The following ERI1 variants were observed in gnomAD, a reference collection of about 807,000 sequenced individuals.
ERI1 encodes 3'-5' exoribonuclease 1.
A neutral mutation model predicts 39.7 loss-of-function variants in ERI1; 39 were observed. That is an observed-to-expected ratio of 0.98 (90% CI 0.76 to 1.28). ERI1 has a LOEUF of 1.28. Among genes scored for constraint, ERI1 ranks in the 50% most tolerant of loss-of-function variants. The probability of loss-of-function intolerance (pLI) is 0.00; values close to 1 mark genes in which losing one functional copy is unlikely to be tolerated. For synonymous variants in ERI1, 204 were observed against 149.6 expected (o/e 1.36, Z -2.65); for missense variants, 581 against 416.9 (o/e 1.39, Z -3.43).
rs141984618 is a variant in ERI1, at chr8:9,021,170, G to T, written c.807+706G>T. On this transcript the variant is annotated intron_variant, in intron 6 of 6. Transcript: ENST00000250263. The stretch of plus-strand genomic sequence containing the variant: ...GGAGAGTGTCCACAACTTTCCCCTG[G>T]ATGTAATAATTTACTTCCGCGGTTG... 8.8e-4 allele frequency among the ~76,000 whole-genome samples: 134 copies of T among 152,088 alleles called. 1 individual carries two copies. The highest frequency in any genetic ancestry group is 3.0e-3 in the African/African-American group (124 of 41,492).
At chr8:9,042,155 C>G (rs539368938) in intron 3 of ERI1, among the ~76,000 whole-genome samples, 9 of 152,306 alleles carry the variant, frequency 5.9e-5, no homozygotes, top group African/African-American at 1.7e-4. Flanking sequence ...ATTAGGAATT[C>G]CTCAAGGCCA....
intron 3 of ERI1, among the ~76,000 whole-genome samples, chr8:9,046,145 C>T (rs190708071): frequency 6.6e-6 from 1 of 152,258 alleles, no homozygotes; most frequent in East Asian, 1.9e-4. Flanking sequence ...CTGAGAGGAC[C>T]GCTGCTGGGC....
rs1451945984 is a variant in ERI1, at chr8:9,005,716, T to G, written c.109-2254T>G. ...AGAGACGGGGTTTCACCGTGGTCTCTATCTCCTGACCTCGTTATCCGCCCG... is the reference window on the plus strand; with the variant it reads ...AGAGACGGGGTTTCACCGTGGTCTCGATCTCCTGACCTCGTTATCCGCCCG... On this transcript the variant is annotated intron_variant, in intron 1 of 6. Transcript: ENST00000250263. Among the ~76,000 whole-genome samples the G allele has an allele frequency of 2.6e-5, 4 of 151,414 alleles. No homozygotes were observed. The East Asian group carries it at 5.8e-4, about 22-fold the overall frequency.
At position 9,032,961 on chromosome 8, in the gene ERI1, G is replaced by C. The variant is rs1188315556; in HGVS notation, c.*2927G>C. 6.6e-6 allele frequency: 1 copy of C among 152,216 alleles called. No individual in the cohort carries two copies. Among genetic ancestry groups the C allele is most frequent in the Non-Finnish European group, 1.5e-5 (1 of 68,034 alleles). 9.4% of individuals were successfully genotyped at this position (152,216 alleles called of 1,614,324 possible). A position where few individuals can be genotyped will look rare whatever the true frequency, so the allele number is the denominator to read the frequency against. On this transcript the variant is annotated 3_prime_UTR_variant, in exon 7 of 7. Transcript: ENST00000250263. Reference sequence around the variant, plus strand: ...GAGAAGTATATGCTCCTCGAGACCAGAGACTGTGACTTCTGCATCTTTGAT... The same window carrying C: ...GAGAAGTATATGCTCCTCGAGACCACAGACTGTGACTTCTGCATCTTTGAT...
At chr8:9,019,409 C>T (rs1408816730) in intron 5 of ERI1, among the ~76,000 whole-genome samples, 3 of 152,168 alleles carry the variant, frequency 2.0e-5, no homozygotes, top group Non-Finnish European at 4.4e-5. Flanking sequence ...TTTAGAAATC[C>T]ATTACTGATT....
chr8:9,026,345 C>G (rs149599421), intron 6 of ERI1, among the ~76,000 whole-genome samples: 32 of 152,270 alleles, frequency 2.1e-4, no homozygotes, highest in Non-Finnish European at 4.0e-4. Context: ...ACATCATTCT[C>G]CAGAACTCTC....
chr8:9,084,253 A>G (rs1361307093), intron 3 of ERI1, among the ~76,000 whole-genome samples: 1 of 152,156 alleles, frequency 6.6e-6, no homozygotes, highest in Non-Finnish European at 1.5e-5. Flanking sequence ...AAACAGTGAG[A>G]TTGAGACCCT....
intron 3 of ERI1, among the ~76,000 whole-genome samples, chr8:9,081,004 A>C (rs1799349887): frequency 6.6e-6 from 1 of 152,246 alleles, no homozygotes; most frequent in South Asian, 2.1e-4. Context: ...TAATTGACTC[A>C]CAGTTCCTCA....
intron 3 of ERI1, among the ~76,000 whole-genome samples, chr8:9,044,655 A>G (rs933352285): frequency 4.6e-5 from 7 of 152,264 alleles, no homozygotes; most frequent in African/African-American, 1.7e-4. Flanking sequence ...GCCTTGAAGA[A>G]CAAATCATGA....
chr8:9,032,529 C>A lies in ERI1; in HGVS notation c.*2495C>A, dbSNP rs920868093. 1.3e-5 allele frequency: 2 copies of A among 152,066 alleles called. No homozygotes were observed. Among genetic ancestry groups the A allele is most frequent in the African/African-American group, 4.8e-5 (2 of 41,388 alleles). The allele number at this position is 152,066 out of a possible 1,614,324, so 9.4% of individuals were successfully genotyped here. ...GTGTCTTTGTTGCCTTGAGATAGAT[C>A]CATTTATCCTGCCTCCTAGGGAGAA... is the stretch of plus-strand genomic sequence containing the variant. On this transcript the variant is annotated 3_prime_UTR_variant, in exon 7 of 7. Coordinates refer to ENST00000250263, the MANE Select transcript of ERI1 (RefSeq NM_153332.4).
At chr8:9,043,814 A>G (rs1332030748) in intron 3 of ERI1, among the ~76,000 whole-genome samples, 1 of 152,230 alleles carries the variant, frequency 6.6e-6, no homozygotes, top group Admixed American at 6.5e-5. Context: ...CAGCCTCCTG[A>G]GTAGCTGGGA....
intron 6 of ERI1, 106 bp downstream of exon 6, chr8:9,020,570 C>G: frequency 1.5e-6 from 1 of 688,172 alleles, no homozygotes; most frequent in South Asian, 2.2e-5. Flanking sequence ...TGGAAAAAAG[C>G]CATATAATTA....
At chr8:9,061,389 A>AG (rs1798691016) in intron 3 of ERI1, among the ~76,000 whole-genome samples, 1 of 152,058 alleles carries the variant, frequency 6.6e-6, no homozygotes, top group Non-Finnish European at 1.5e-5. Context: ...CAGCTGAAGG[A>AG]CCCGGGGAGC....
intron 6 of ERI1, among the ~76,000 whole-genome samples, chr8:9,027,419 A>G (rs963002115): frequency 6.6e-6 from 1 of 152,156 alleles, no homozygotes; most frequent in Admixed American, 6.5e-5. Flanking sequence ...TTGCAAATGT[A>G]TCTTCTGTTC....
intron 3 of ERI1, among the ~76,000 whole-genome samples, chr8:9,045,813 A>G (rs11774244): frequency 0.25 from 37,107 of 150,932 alleles, 4,902 homozygotes; most frequent in Non-Finnish European, 0.3. Context: ...AGTAGCTGGG[A>G]TTACAGGCAT....
Position 9,030,157 on chromosome 8 carries a change from A to AT in ERI1, c.*123_*124insT. ...CTTAAAACATTTAAAATCTTATTACAGGTGATAGAGATAGATACATGTATG... is the reference window on the plus strand; with the variant it reads ...CTTAAAACATTTAAAATCTTATTACATGGTGATAGAGATAGATACATGTATG... On this transcript the variant is annotated 3_prime_UTR_variant, in exon 7 of 7. Transcript: ENST00000250263. The AT allele has an allele frequency of 7.9e-7, 1 of 1,269,396 alleles. No individual in the cohort carries two copies. Among genetic ancestry groups the AT allele is most frequent in the Non-Finnish European group, 1.1e-6 (1 of 927,322 alleles). 78.6% of individuals were successfully genotyped at this position (1,269,396 alleles called of 1,614,324 possible).
At chr8:9,072,697 T>C (rs1178973139) in intron 3 of ERI1, among the ~76,000 whole-genome samples, 1 of 152,100 alleles carries the variant, frequency 6.6e-6, no homozygotes, top group East Asian at 1.9e-4. Flanking sequence ...ACTCCGCCAC[T>C]ATTTTTGATC....
intron 3 of ERI1, among the ~76,000 whole-genome samples, chr8:9,057,979 T>C (rs2979249): frequency 0.81 from 123,905 of 152,086 alleles, 51,967 homozygotes; most frequent in Non-Finnish European, 0.92. Flanking sequence ...TCTCATAGGG[T>C]CTTGGGGGCC....
At chr8:9,077,806 G>C (rs377328591) in intron 3 of ERI1, among the ~76,000 whole-genome samples, 1 of 152,074 alleles carries the variant, frequency 6.6e-6, no homozygotes, top group Non-Finnish European at 1.5e-5. Flanking sequence ...TCTTCTCTGC[G>C]TTTGCCCCTC....
Sources: allele counts gnomAD v4.1 joint callset (sites outside exome capture counted in the v4.1 genomes callset), GRCh38; gene constraint gnomAD v4.1.1; transcripts MANE v1.5; gene names NCBI Gene and HGNC (gene_info 2026-07-23, HGNC 2026-07-21).